The following GALNT13 variants were observed in gnomAD, a reference collection of about 807,000 sequenced individuals.
GALNT13 encodes UDP-GalNAc:polypeptide N-acetylgalactosaminyltransferase 13.
GALNT13 carries 28 observed loss-of-function variants against 64.2 expected under a neutral mutation model. That is an observed-to-expected ratio of 0.44 (90% CI 0.32 to 0.60). The LOEUF (loss-of-function observed/expected upper bound fraction) is 0.60, where lower values mean the gene tolerates loss of function less well. Ranked by LOEUF, GALNT13 falls within the 20% of genes least tolerant of loss-of-function variation. GALNT13 has a pLI of 0.05. For synonymous variants in GALNT13, 214 were observed against 224.6 expected (o/e 0.95, Z 0.42); for missense variants, 577 against 669.8 (o/e 0.86, Z 1.53).
the GALNT13 span, among the ~76,000 whole-genome samples, chr2:153,840,593 G>A: frequency 6.6e-6 from 1 of 152,070 alleles, no homozygotes; most frequent in Non-Finnish European, 1.5e-5. Flanking sequence ...ACATGCATTT[G>A]GGTAATTTGA....
intron 3 of GALNT13, among the ~76,000 whole-genome samples, chr2:153,975,850 A>C (rs1694042321): frequency 6.6e-6 from 1 of 152,126 alleles, no homozygotes; most frequent in Non-Finnish European, 1.5e-5. Flanking sequence ...AAAAACGGTA[A>C]CTGTAAAGTG....
intron 4 of GALNT13, among the ~76,000 whole-genome samples, chr2:154,153,423 C>G (rs961090287): frequency 1.3e-5 from 2 of 152,326 alleles, no homozygotes; most frequent in African/African-American, 4.8e-5. Context: ...TCTCAGATCT[C>G]TAGCTGCATG....
chr2:153,123,221 T>C, the GALNT13 span, among the ~76,000 whole-genome samples: 1 of 152,130 alleles, frequency 6.6e-6, no homozygotes, highest in Non-Finnish European at 1.5e-5. Flanking sequence ...AACCACTAGA[T>C]GCTAGGAAGA....
At chr2:153,768,203 G>A in the GALNT13 span, among the ~76,000 whole-genome samples, 5 of 152,098 alleles carry the variant, frequency 3.3e-5, no homozygotes, top group African/African-American at 1.2e-4. Context: ...CTTGCTTTAT[G>A]GCCAAGTATA....
At chr2:154,366,216 G>A (rs1697353549) in intron 9 of GALNT13, among the ~76,000 whole-genome samples, 1 of 152,048 alleles carries the variant, frequency 6.6e-6, no homozygotes, top group Non-Finnish European at 1.5e-5. Context: ...GATGCAGAAA[G>A]TCATAATCTG....
At chr2:153,723,607 C>G in the GALNT13 span, among the ~76,000 whole-genome samples, 1 of 151,988 alleles carries the variant, frequency 6.6e-6, no homozygotes, top group African/African-American at 2.4e-5. Context: ...TCAGCAAAGT[C>G]TCAGGATACA....
At chr2:153,401,880 C>A in the GALNT13 span, among the ~76,000 whole-genome samples, 1 of 152,030 alleles carries the variant, frequency 6.6e-6, no homozygotes, top group Non-Finnish European at 1.5e-5. Flanking sequence ...CTTTTTAATC[C>A]AATTTGCCAG....
chr2:153,978,412 T>C (rs1254092960), intron 3 of GALNT13, among the ~76,000 whole-genome samples: 2 of 152,182 alleles, frequency 1.3e-5, no homozygotes, highest in Non-Finnish European at 2.9e-5. Context: ...ATGTCTGATA[T>C]GGTTTGGCTG....
the GALNT13 span, among the ~76,000 whole-genome samples, chr2:153,752,404 A>AT: frequency 2.0e-5 from 3 of 151,974 alleles, no homozygotes; most frequent in Admixed American, 6.6e-5. Flanking sequence ...TCCCTGTAAC[A>AT]TTTTTTACAG....
chr2:154,449,941 A>C (rs1701799377), intron 12 of GALNT13, among the ~76,000 whole-genome samples: 1 of 152,026 alleles, frequency 6.6e-6, no homozygotes, highest in Non-Finnish European at 1.5e-5. Context: ...CACAGATACT[A>C]TAGCTTGTTT....
At chr2:154,285,018 A>G (rs1692180747) in intron 8 of GALNT13, among the ~76,000 whole-genome samples, 1 of 152,086 alleles carries the variant, frequency 6.6e-6, no homozygotes, top group Non-Finnish European at 1.5e-5. Flanking sequence ...AGTGATTCAT[A>G]TCTTTTTTTG....
chr2:153,358,157 C>T, the GALNT13 span, among the ~76,000 whole-genome samples: 2 of 152,188 alleles, frequency 1.3e-5, no homozygotes, highest in Non-Finnish European at 2.9e-5. Context: ...TGCATTTCAT[C>T]ATATCCCAAA....
chr2:153,091,842 C>G, the GALNT13 span, among the ~76,000 whole-genome samples: 1 of 152,110 alleles, frequency 6.6e-6, no homozygotes, highest in Non-Finnish European at 1.5e-5. Context: ...AGCTTGTTTA[C>G]TTGATGTGAT....
intron 3 of GALNT13, among the ~76,000 whole-genome samples, chr2:154,081,655 C>T (rs899834189): frequency 6.6e-6 from 1 of 151,672 alleles, no homozygotes; most frequent in Non-Finnish European, 1.5e-5. Flanking sequence ...TATACCATAG[C>T]GCAATATATT....
At chr2:154,366,850 A>C (rs1682821168) in intron 9 of GALNT13, among the ~76,000 whole-genome samples, 1 of 152,136 alleles carries the variant, frequency 6.6e-6, no homozygotes, top group African/African-American at 2.4e-5. Context: ...GATCTCAAAT[A>C]AGTCAATTCC....
chr2:154,215,970 A>G (rs975817645), intron 4 of GALNT13, among the ~76,000 whole-genome samples: 1 of 151,934 alleles, frequency 6.6e-6, no homozygotes, highest in African/African-American at 2.4e-5. Flanking sequence ...AAATTTTAAA[A>G]TATTTATATG....
At chr2:153,081,497 C>T in the GALNT13 span, among the ~76,000 whole-genome samples, 1 of 152,124 alleles carries the variant, frequency 6.6e-6, no homozygotes, top group African/African-American at 2.4e-5. Context: ...TGACTATCCC[C>T]ATATCCCCCT....
At chr2:154,333,715 C>T (rs778454515) in intron 9 of GALNT13, among the ~76,000 whole-genome samples, 1 of 152,014 alleles carries the variant, frequency 6.6e-6, no homozygotes, top group Non-Finnish European at 1.5e-5. Context: ...TGACTAATAG[C>T]AATTATAAAT....
At chr2:153,542,359 C>CAA in the GALNT13 span, among the ~76,000 whole-genome samples, 1 of 55,612 alleles carries the variant, frequency 1.8e-5, no homozygotes, top group Non-Finnish European at 2.8e-5. Flanking sequence ...CACACACACA[C>CAA]AAAAAAAAAA....
Sources: gnomAD v4.1 joint callset for allele counts (sites outside exome capture counted in the v4.1 genomes callset) on GRCh38, gnomAD v4.1.1 for gene constraint, MANE v1.5 for transcripts, NCBI Gene and HGNC (gene_info 2026-07-23, HGNC 2026-07-21) for gene names.